TM2D1: variants seen among roughly 807,000 people sequenced by gnomAD.
TM2D1 encodes the protein TM2 domain-containing protein 1.
TM2D1 carries 15 observed loss-of-function variants against 28.4 expected under a neutral mutation model. That is an observed-to-expected ratio of 0.53 (90% CI 0.35 to 0.81). The LOEUF is 0.81. Among genes scored for constraint, TM2D1 ranks in the 40% least tolerant of loss-of-function variants. The pLI is 0.01. For missense variants in TM2D1, 236 were observed against 254.9 expected (o/e 0.93, Z 0.50); for synonymous variants, 93 against 96.2 (o/e 0.97, Z 0.20).
intron 6 of TM2D1, among the ~76,000 whole-genome samples, chr1:61,681,690 A>G (rs1326522134): frequency 3.3e-5 from 5 of 152,210 alleles, no homozygotes; most frequent in Non-Finnish European, 5.9e-5. Context: ...CACAATTTAC[A>G]GTATGAATAA....
intron 2 of TM2D1, among the ~76,000 whole-genome samples, chr1:61,715,400 C>T (rs560409409): frequency 6.6e-6 from 1 of 152,024 alleles, no homozygotes; most frequent in Admixed American, 6.6e-5. Flanking sequence ...CATGGTAGCT[C>T]ACGTCTCTAA....
intron 4 of TM2D1, chr1:61,697,865 G>A (rs1644375248): frequency 6.6e-6 from 1 of 152,036 alleles, no homozygotes; most frequent in Non-Finnish European, 1.5e-5. Flanking sequence ...TCCAGGAGTA[G>A]GTAATATTTA....
chr1:61,711,135 C>T (rs1374923811), intron 2 of TM2D1, among the ~76,000 whole-genome samples: 10 of 151,812 alleles, frequency 6.6e-5, no homozygotes, highest in African/African-American at 2.4e-4. Context: ...GTTTGGAGTG[C>T]GACACCAGCC....
In TM2D1 at chr1:61,694,760, CTT is replaced by C; in HGVS notation, c.448_449del (p.Lys150ValfsTer14). The C allele has an allele frequency of 6.3e-7, 1 of 1,598,264 alleles. No homozygotes were observed. The highest frequency in any genetic ancestry group is 8.5e-7 in the Non-Finnish European group (1 of 1,173,688). On this transcript the variant is annotated frameshift_variant, in exon 5 of 7. Coordinates refer to ENST00000606498, the MANE Select transcript of TM2D1 (RefSeq NM_032027.3). LOFTEE classifies it high-confidence loss of function. ...TTCCACAAAACCCTACAGTGCAAAA[CTT>C]TAACAAACCTAGAAAAGAAGGTAAA... is the stretch of plus-strand genomic sequence containing the variant. Reference protein sequence around the residue: ...YLGYPALGLLKFCTVGFCGIG... With the variant: ...YLGYPALGLLXFCTVGFCGIG...
chr1:61,705,256 G>A (rs532054292), intron 3 of TM2D1, among the ~76,000 whole-genome samples: 32 of 152,082 alleles, frequency 2.1e-4, no homozygotes, highest in African/African-American at 6.3e-4. Flanking sequence ...TCTTGATCTC[G>A]GCTCACTGAA....
At chr1:61,686,338 G>C (rs745744275) in intron 5 of TM2D1, among the ~76,000 whole-genome samples, 3 of 152,096 alleles carry the variant, frequency 2.0e-5, no homozygotes, top group Non-Finnish European at 2.9e-5. Context: ...CTATAAAGAT[G>C]TCAACTATTT....
At chr1:61,688,731 C>A (rs1644302526) in intron 5 of TM2D1, among the ~76,000 whole-genome samples, 1 of 137,436 alleles carries the variant, frequency 7.3e-6, no homozygotes, top group Non-Finnish European at 1.6e-5. Context: ...CCCCCACCGC[C>A]CCCCGCCACC....
At chr1:61,722,204 T>A (rs1358694331) in intron 2 of TM2D1, among the ~76,000 whole-genome samples, 2 of 152,064 alleles carry the variant, frequency 1.3e-5, no homozygotes, top group African/African-American at 4.8e-5. Flanking sequence ...GAGGATCACT[T>A]GATCCTGGGA....
intron 5 of TM2D1, 36 bp from the exon 6 acceptor site, chr1:61,683,582 C>T (rs1644263181): frequency 5.9e-6 from 6 of 1,022,490 alleles, no homozygotes; most frequent in Middle Eastern, 2.0e-4. Context: ...ATTCATTTTA[C>T]AAAAGATATT....
chr1:61,718,179 C>T (rs1300910974), intron 2 of TM2D1, among the ~76,000 whole-genome samples: 5 of 151,730 alleles, frequency 3.3e-5, no homozygotes, highest in Admixed American at 6.6e-5. Flanking sequence ...ATTAGCTGGG[C>T]GTGGTGAGGC....
intron 5 of TM2D1, among the ~76,000 whole-genome samples, chr1:61,693,806 C>T (rs762598585): frequency 1.8e-4 from 27 of 152,166 alleles, no homozygotes; most frequent in Non-Finnish European, 3.2e-4. Flanking sequence ...CTAAATGCAA[C>T]TGACACACTT....
chr1:61,686,863 C>T, intron 5 of TM2D1: 1 of 945,532 alleles, frequency 1.1e-6, no homozygotes, highest in Non-Finnish European at 1.3e-6. Flanking sequence ...TTCGAGGCTG[C>T]AATGAGTTAT....
intron 2 of TM2D1, among the ~76,000 whole-genome samples, chr1:61,712,317 A>T (rs1050888232): frequency 6.6e-6 from 1 of 152,204 alleles, no homozygotes; most frequent in Non-Finnish European, 1.5e-5. Context: ...TATAAATTAA[A>T]TTTTTATAAA....
intron 2 of TM2D1, among the ~76,000 whole-genome samples, chr1:61,720,130 G>A (rs1230816917): frequency 6.6e-6 from 1 of 152,032 alleles, no homozygotes; most frequent in African/African-American, 2.4e-5. Context: ...TCTGTCAAAA[G>A]ACCATAGCAA....
At chr1:61,709,206 A>G in intron 3 of TM2D1, 123 bp downstream of exon 3, 1 of 666,176 alleles carries the variant, frequency 1.5e-6, no homozygotes, top group Non-Finnish European at 2.5e-6. Context: ...GTTTTCTGAC[A>G]CAAGCAAAAA....
At chr1:61,710,355 G>C (rs1007739074) in intron 2 of TM2D1, among the ~76,000 whole-genome samples, 10 of 148,642 alleles carry the variant, frequency 6.7e-5, no homozygotes, top group African/African-American at 2.5e-4. Flanking sequence ...GGGCCTGAGA[G>C]GCAGACATAG....
chr1:61,683,934 A>C, intron 5 of TM2D1: 1 of 159,388 alleles, frequency 6.3e-6, no homozygotes, highest in Non-Finnish European at 1.4e-5. Flanking sequence ...TTCTTCCCCA[A>C]TGTTTATATA....
chr1:61,691,196 TATAATTAAA>T (rs1300180152), intron 5 of TM2D1, among the ~76,000 whole-genome samples: 34 of 152,140 alleles, frequency 2.2e-4, no homozygotes, highest in Non-Finnish European at 8.8e-5. Context: ...GTGATTTTGG[TATAATTAAA>T]AATGCCCAGG....
rs531597734 is a variant in TM2D1, at chr1:61,703,503, T to A, written c.348-2478A>T. Among the ~76,000 whole-genome samples, 5 of 143,750 alleles carry A rather than the reference T, an allele frequency of 3.5e-5. No homozygotes were observed. In the East Asian group the frequency reaches 1.0e-3, roughly 30 times the overall value. The allele number at this position is 143,750 out of a possible 152,430, so 94.3% of individuals were successfully genotyped here. A position where few individuals can be genotyped will look rare whatever the true frequency, so the allele number is the denominator to read the frequency against. ...TCTCGGCTTATTGCAACCTCCACCTTCCGGGTTCAAGCAATTCTCCTGCTT... is the reference window on the plus strand; with the variant it reads ...TCTCGGCTTATTGCAACCTCCACCTACCGGGTTCAAGCAATTCTCCTGCTT... On this transcript the variant is annotated intron_variant, in intron 3 of 6. Coordinates refer to ENST00000606498, the MANE Select transcript of TM2D1 (RefSeq NM_032027.3).
Sources: gnomAD v4.1 joint callset for allele counts (sites outside exome capture counted in the v4.1 genomes callset) on GRCh38, gnomAD v4.1.1 for gene constraint, MANE v1.5 for transcripts, NCBI Gene and HGNC (gene_info 2026-07-23, HGNC 2026-07-21) for gene names.